The following CDH18 variants were observed in gnomAD, a reference collection of about 807,000 sequenced individuals.
CDH18 encodes the protein cadherin-18.
CDH18 carries 31 observed loss-of-function variants against 67.9 expected under a neutral mutation model. The ratio of observed to expected loss-of-function variants is 0.46; its 90% CI spans 0.34 to 0.62. The LOEUF (loss-of-function observed/expected upper bound fraction) is 0.62. CDH18 is among the 20% of genes least tolerant of loss of function. The probability of loss-of-function intolerance (pLI) is 0.01; values close to 1 mark genes in which losing one functional copy is unlikely to be tolerated. For missense variants in CDH18, 890 were observed against 975.5 expected (o/e 0.91, Z 1.17); for synonymous variants, 362 against 347.2 (o/e 1.04, Z -0.48).
At chr5:20,300,952 T>A (rs1345818982) in intron 1 of CDH18, among the ~76,000 whole-genome samples, 1 of 152,158 alleles carries the variant, frequency 6.6e-6, no homozygotes, top group Non-Finnish European at 1.5e-5. Context: ...TGAGCACATA[T>A]CATTCACTTT....
chr5:20,283,297 C>T (rs1159055936), intron 1 of CDH18, among the ~76,000 whole-genome samples: 1 of 151,856 alleles, frequency 6.6e-6, no homozygotes, highest in Non-Finnish European at 1.5e-5. Flanking sequence ...GCAAAGAAAA[C>T]AACAAGTGGA....
intron 1 of CDH18, among the ~76,000 whole-genome samples, chr5:20,317,699 G>C (rs978670829): frequency 6.6e-6 from 1 of 151,964 alleles, no homozygotes; most frequent in African/African-American, 2.4e-5. Context: ...TTATAATCTT[G>C]GATGACATAA....
intron 5 of CDH18, among the ~76,000 whole-genome samples, chr5:19,715,634 G>C (rs186639302): frequency 9.2e-5 from 14 of 152,062 alleles, no homozygotes; most frequent in African/African-American, 3.4e-4. Context: ...AAAATGTTTG[G>C]AAAGAATTTA....
At chr5:19,561,963 TG>T (rs1739535282) in intron 8 of CDH18, among the ~76,000 whole-genome samples, 1 of 152,176 alleles carries the variant, frequency 6.6e-6, no homozygotes. Flanking sequence ...AAATACAGGT[TG>T]TAGACAAAGA....
At chr5:19,617,306 A>C (rs1290197669) in intron 5 of CDH18, among the ~76,000 whole-genome samples, 1 of 152,222 alleles carries the variant, frequency 6.6e-6, no homozygotes, top group Non-Finnish European at 1.5e-5. Context: ...AGAATAAACT[A>C]TATAGACATA....
At chr5:19,951,323 T>C (rs1795762887) in intron 2 of CDH18, among the ~76,000 whole-genome samples, 1 of 152,198 alleles carries the variant, frequency 6.6e-6, no homozygotes, top group South Asian at 2.1e-4. Context: ...ATATTTACAG[T>C]AGAAATCATG....
At chr5:19,507,589 G>A (rs1403605683) in intron 10 of CDH18, among the ~76,000 whole-genome samples, 1 of 152,104 alleles carries the variant, frequency 6.6e-6, no homozygotes, top group Non-Finnish European at 1.5e-5. Context: ...AAAATGATGA[G>A]TTCATGTCCT....
At chr5:19,603,408 A>G (rs1747490952) in intron 6 of CDH18, among the ~76,000 whole-genome samples, 1 of 152,178 alleles carries the variant, frequency 6.6e-6, no homozygotes, top group Non-Finnish European at 1.5e-5. Flanking sequence ...TTACTTTTGC[A>G]AGACGAAAAG....
chr5:19,654,962 G>A (rs575669988), intron 5 of CDH18, among the ~76,000 whole-genome samples: 14 of 152,098 alleles, frequency 9.2e-5, no homozygotes, highest in Non-Finnish European at 1.3e-4. Flanking sequence ...GTTCAACCAT[G>A]CGTCTGCTCA....
intron 3 of CDH18, among the ~76,000 whole-genome samples, chr5:19,748,899 C>A (rs887211510): frequency 2.6e-5 from 4 of 151,996 alleles, no homozygotes; most frequent in African/African-American, 9.7e-5. Context: ...ACAGGAATCA[C>A]AGAGTAAGAT....
chr5:20,022,596 C>A (rs1580058709), intron 2 of CDH18, among the ~76,000 whole-genome samples: 1 of 152,072 alleles, frequency 6.6e-6, no homozygotes, highest in Admixed American at 6.5e-5. Context: ...TTGTCCATTT[C>A]TAAATATTTT....
At chr5:20,292,655 GGGA>G (rs1173075612) in intron 1 of CDH18, among the ~76,000 whole-genome samples, 2 of 152,132 alleles carry the variant, frequency 1.3e-5, no homozygotes, top group East Asian at 3.9e-4. Flanking sequence ...TGAAGGACAT[GGGA>G]GGAGAACGTG....
At chr5:20,405,219 G>A (rs559146132) in intron 1 of CDH18, among the ~76,000 whole-genome samples, 16 of 152,218 alleles carry the variant, frequency 1.1e-4, no homozygotes, top group African/African-American at 3.9e-4. Context: ...AAACAGCATG[G>A]TACTGGTATC....
chr5:20,496,983 T>C (rs970442932), intron 1 of CDH18, among the ~76,000 whole-genome samples: 1 of 151,980 alleles, frequency 6.6e-6, no homozygotes, highest in African/African-American at 2.4e-5. Flanking sequence ...GGCAAAATTG[T>C]TCAGTGTGGC....
At position 19,637,954 on chromosome 5, in the gene CDH18, C is replaced by A. The variant is rs1049406693; in HGVS notation, c.644-25353G>T. 3.3e-5 allele frequency among the ~76,000 whole-genome samples: 5 copies of A among 152,278 alleles called. No individual in the cohort carries two copies. The East Asian group carries it at 9.7e-4, about 29-fold the overall frequency. ...AAGTGTCATAAATATTTTCTATCAT[C>A]GCCTTCTAACATTCTCTATAATTCT... On this transcript the variant is annotated intron_variant, in intron 5 of 12. Coordinates refer to ENST00000382275, the MANE Select transcript of CDH18 (RefSeq NM_004934.5).
At chr5:19,655,143 C>T (rs931693354) in intron 5 of CDH18, among the ~76,000 whole-genome samples, 30 of 152,112 alleles carry the variant, frequency 2.0e-4, no homozygotes, top group Non-Finnish European at 3.5e-4. Context: ...CCCAGTATTT[C>T]CCTTCCTCTG....
chr5:19,565,722 CA>C (rs1740267533), intron 8 of CDH18, among the ~76,000 whole-genome samples: 3 of 152,140 alleles, frequency 2.0e-5, no homozygotes, highest in African/African-American at 7.2e-5. Context: ...AAAATCAATT[CA>C]AAATGTATTA....
intron 2 of CDH18, among the ~76,000 whole-genome samples, chr5:19,890,138 T>G (rs1788632460): frequency 6.6e-6 from 1 of 152,136 alleles, no homozygotes; most frequent in Non-Finnish European, 1.5e-5. Flanking sequence ...AGATTCATGC[T>G]CCTGGAGGTT....
chr5:20,398,681 C>T (rs1244949742), intron 1 of CDH18, among the ~76,000 whole-genome samples: 3 of 151,708 alleles, frequency 2.0e-5, no homozygotes, highest in Non-Finnish European at 4.4e-5. Context: ...ACACATATAC[C>T]TATGTAAAAA....
Sources: gnomAD v4.1 joint callset for allele counts (sites outside exome capture counted in the v4.1 genomes callset) on GRCh38, gnomAD v4.1.1 for gene constraint, MANE v1.5 for transcripts, NCBI Gene and HGNC (gene_info 2026-07-23, HGNC 2026-07-21) for gene names.